The following GPHN variants were observed in gnomAD, a reference collection of about 807,000 sequenced individuals.
GPHN encodes the protein gephyrin.
Under a neutral mutation model 95.5 loss-of-function variants are expected in GPHN, and 17 were observed. That is an observed-to-expected ratio of 0.18 (90% CI 0.12 to 0.27). GPHN has a LOEUF of 0.27. Among genes scored for constraint, GPHN ranks in the 10% least tolerant of loss-of-function variants. The pLI, the probability that GPHN is intolerant of heterozygous loss-of-function variation, is 1.00. For synonymous variants in GPHN, 320 were observed against 322.5 expected (o/e 0.99, Z 0.08); for missense variants, 660 against 978.1 (o/e 0.67, Z 4.34).
chr14:67,340,187 A>T, the GPHN span: 128 of 331,888 alleles, frequency 3.9e-4, 3 homozygotes, highest in Admixed American at 3.7e-3. Flanking sequence ...ACATATATTT[A>T]AAAAAAAAAT....
At chr14:66,876,140 T>C (rs1238028167) in intron 4 of GPHN, among the ~76,000 whole-genome samples, 1 of 152,180 alleles carries the variant, frequency 6.6e-6, no homozygotes, top group Admixed American at 6.5e-5. Flanking sequence ...AACCTGCTCC[T>C]GAATAACTAC....
chr14:67,396,090 A>C, the GPHN span, among the ~76,000 whole-genome samples: 1 of 151,934 alleles, frequency 6.6e-6, no homozygotes, highest in Non-Finnish European at 1.5e-5. Context: ...CACATTTCTC[A>C]TAGGATATAG....
intron 3 of GPHN, 97 bp from the exon 4 acceptor site, chr14:66,824,377 G>A: frequency 4.4e-6 from 3 of 686,322 alleles, no homozygotes; most frequent in Non-Finnish European, 8.2e-6. Context: ...AAAAGAATCT[G>A]TGTTTCCTCG....
chr14:66,943,923 G>A (rs866677914), intron 8 of GPHN, among the ~76,000 whole-genome samples: 5 of 152,122 alleles, frequency 3.3e-5, no homozygotes, highest in Non-Finnish European at 5.9e-5. Context: ...TTTTCAGAGG[G>A]ATCTATCCAC....
the GPHN span, chr14:67,227,824 G>A: frequency 6.6e-6 from 1 of 152,060 alleles, no homozygotes; most frequent in Non-Finnish European, 1.5e-5. Context: ...ATCCTGAATG[G>A]ACAGGTTTTT....
At chr14:67,686,621 AGAGT>A in the GPHN span, among the ~76,000 whole-genome samples, 1 of 137,596 alleles carries the variant, frequency 7.3e-6, no homozygotes, top group East Asian at 2.1e-4. Context: ...CCTGGGCGAC[AGAGT>A]GAGACACCGG....
chr14:67,429,312 C>T, the GPHN span, among the ~76,000 whole-genome samples: 1 of 150,944 alleles, frequency 6.6e-6, no homozygotes, highest in Admixed American at 6.6e-5. Flanking sequence ...CTCACTGCAA[C>T]ATCCGGCTCC....
intron 11 of GPHN, among the ~76,000 whole-genome samples, chr14:67,078,629 T>C (rs910277585): frequency 5.9e-5 from 9 of 152,150 alleles, no homozygotes; most frequent in Non-Finnish European, 1.3e-4. Context: ...TGCAGTACTA[T>C]TATATTCTCT....
intron 4 of GPHN, among the ~76,000 whole-genome samples, chr14:66,862,314 C>T (rs1023279112): frequency 6.6e-6 from 1 of 151,858 alleles, no homozygotes; most frequent in Non-Finnish European, 1.5e-5. Context: ...CTGAACAGAG[C>T]AATAACAAAT....
chr14:67,397,518 T>A, the GPHN span: 1 of 635,374 alleles, frequency 1.6e-6, no homozygotes. Flanking sequence ...ACATACCTGG[T>A]ATGTGGCGGA....
the GPHN span, among the ~76,000 whole-genome samples, chr14:67,461,479 T>A: frequency 6.6e-6 from 1 of 151,966 alleles, no homozygotes; most frequent in Non-Finnish European, 1.5e-5. Flanking sequence ...GCAATCAGAG[T>A]TATGAACCTG....
intron 9 of GPHN, among the ~76,000 whole-genome samples, chr14:66,980,993 G>C (rs2070627341): frequency 6.6e-6 from 1 of 152,190 alleles, no homozygotes; most frequent in Non-Finnish European, 1.5e-5. Flanking sequence ...AGGTTGCGGT[G>C]AGCCGAGATT....
chr14:67,399,162 G>T, the GPHN span, among the ~76,000 whole-genome samples: 1 of 152,338 alleles, frequency 6.6e-6, no homozygotes, highest in African/African-American at 2.4e-5. Flanking sequence ...TACCTAGCCA[G>T]GTGTGGCAGG....
intron 18 of GPHN, among the ~76,000 whole-genome samples, chr14:67,157,551 C>T (rs2081669402): frequency 6.6e-6 from 1 of 152,106 alleles, no homozygotes; most frequent in African/African-American, 2.4e-5. Flanking sequence ...TGGCCAGATG[C>T]GGTTGTTCAC....
chr14:66,717,858 C>T (rs993047790), intron 2 of GPHN, among the ~76,000 whole-genome samples: 29 of 152,172 alleles, frequency 1.9e-4, no homozygotes, highest in African/African-American at 6.5e-4. Flanking sequence ...TGATGTGAAC[C>T]GTCTATGGGT....
At chr14:67,410,237 A>G in the GPHN span, among the ~76,000 whole-genome samples, 3 of 152,036 alleles carry the variant, frequency 2.0e-5, no homozygotes, top group East Asian at 5.8e-4. Flanking sequence ...GGAATGATGG[A>G]AGGTAACCCC....
the GPHN span, among the ~76,000 whole-genome samples, chr14:67,428,773 TTTAGTA>T: frequency 6.6e-6 from 1 of 152,168 alleles, no homozygotes; most frequent in African/African-American, 2.4e-5. Flanking sequence ...GCCTCCTTCC[TTTAGTA>T]TTAGTTATCA....
At chr14:66,739,174 A>C (rs1200689546) in intron 2 of GPHN, among the ~76,000 whole-genome samples, 4 of 151,790 alleles carry the variant, frequency 2.6e-5, no homozygotes, top group African/African-American at 9.7e-5. Context: ...ATTCAAATTC[A>C]TATTGTCTGC....
At chr14:67,692,239 G>T in the GPHN span, 1 of 584,066 alleles carries the variant, frequency 1.7e-6, no homozygotes, top group Non-Finnish European at 3.0e-6. Flanking sequence ...ATGACGTTTT[G>T]AATTCATTTT....
Sources: allele counts gnomAD v4.1 joint callset (sites outside exome capture counted in the v4.1 genomes callset), GRCh38; gene constraint gnomAD v4.1.1; transcripts MANE v1.5; gene names NCBI Gene and HGNC (gene_info 2026-07-23, HGNC 2026-07-21).